The following TMC1 variants were observed in gnomAD, a reference collection of about 807,000 sequenced individuals.
The protein encoded by TMC1 is transmembrane channel like 1.
In TMC1, 84 loss-of-function variants were observed where a neutral mutation model predicts 105.8. The observed-to-expected ratio is 0.79, with a 90% CI of 0.67 to 0.95. The LOEUF is 0.95. TMC1 is among the 40% of genes least tolerant of loss of function. The pLI, the probability that TMC1 is intolerant of heterozygous loss-of-function variation, is 0.00. For synonymous variants in TMC1, 315 were observed against 311.5 expected, an observed-to-expected ratio of 1.01 and a Z score of -0.12; for missense variants, 817 against 914.1, an observed-to-expected ratio of 0.89 and a Z score of 1.37.
chr9:72,635,935 G>A (rs917785101), intron 4 of TMC1, among the ~76,000 whole-genome samples: 8 of 152,138 alleles, frequency 5.3e-5, no homozygotes, highest in African/African-American at 1.9e-4. Flanking sequence ...GAACTTAAGA[G>A]CTCCACTAAA....
At chr9:72,805,272 A>G (rs1239685430) in intron 17 of TMC1, 110 bp from the exon 18 acceptor site, 11 of 1,113,768 alleles carry the variant, frequency 9.9e-6, no homozygotes, top group African/African-American at 1.5e-5. Context: ...TTTGCCATTA[A>G]TTGCAGTCTT....
chr9:72,642,278 A>C (rs1472831577), intron 4 of TMC1, among the ~76,000 whole-genome samples: 1 of 152,192 alleles, frequency 6.6e-6, no homozygotes, highest in Non-Finnish European at 1.5e-5. Context: ...TCTGTGTCCT[A>C]ACTACATATT....
rs192213806 is a variant in TMC1, at chr9:72,789,052, G to A, written c.1030-71G>A. 6.7e-4 allele frequency: 993 copies of A among 1,473,532 alleles called. 4 individuals are homozygous for A. Among genetic ancestry groups the A allele is most frequent in the Non-Finnish European group, 7.3e-5 (77 of 1,057,798 alleles). The allele number at this position is 1,473,532 out of a possible 1,614,324, so 91.3% of individuals were successfully genotyped here. A position where few individuals can be genotyped will look rare whatever the true frequency, so the allele number is the denominator to read the frequency against. ...TTGTAAAAATAACTTTTGAGGTTTT[G>A]ATACTTTTAAAATGTAGCTAAGATA... is the stretch of plus-strand genomic sequence containing the variant. On this transcript the variant is annotated intron_variant, in intron 14 of 23. Coordinates refer to ENST00000297784, the MANE Select transcript of TMC1 (RefSeq NM_138691.3).
At chr9:72,624,189 A>G (rs746675384) in intron 3 of TMC1, among the ~76,000 whole-genome samples, 1 of 152,118 alleles carries the variant, frequency 6.6e-6, no homozygotes, top group Admixed American at 6.5e-5. Flanking sequence ...TGGGAGCTCA[A>G]ATATGACCAT....
At chr9:72,633,604 C>T (rs1221254077) in intron 4 of TMC1, among the ~76,000 whole-genome samples, 2 of 152,284 alleles carry the variant, frequency 1.3e-5, no homozygotes, top group African/African-American at 4.8e-5. Context: ...TGTTCCCACT[C>T]AGTTCGTTTG....
At chr9:72,563,804 G>A (rs997252161) in intron 1 of TMC1, among the ~76,000 whole-genome samples, 1 of 148,010 alleles carries the variant, frequency 6.8e-6, no homozygotes, top group Admixed American at 7.0e-5. Context: ...GGAGGCTGAG[G>A]CAGGAGAATC....
intron 1 of TMC1, among the ~76,000 whole-genome samples, chr9:72,552,367 C>A (rs1211690579): frequency 6.6e-6 from 1 of 152,142 alleles, no homozygotes; most frequent in African/African-American, 2.4e-5. Flanking sequence ...GAATCCCCCC[C>A]AGAAGAGACT....
intron 10 of TMC1, among the ~76,000 whole-genome samples, chr9:72,742,741 C>A (rs1268832324): frequency 6.6e-6 from 1 of 152,196 alleles, no homozygotes; most frequent in Admixed American, 6.5e-5. Flanking sequence ...GGACCCCACT[C>A]TCGTGTTCTA....
intron 8 of TMC1, among the ~76,000 whole-genome samples, chr9:72,738,583 G>A (rs773926758): frequency 5.3e-5 from 8 of 151,902 alleles, no homozygotes; most frequent in Non-Finnish European, 1.0e-4. Flanking sequence ...ACGCCTGGTC[G>A]ATTTTTGTAT....
chr9:72,741,307 A>G, intron 9 of TMC1: 1 of 325,744 alleles, frequency 3.1e-6, no homozygotes, highest in Non-Finnish European at 5.7e-6. Context: ...ACCTTATAGT[A>G]TTTCAGGACA....
chr9:72,581,367 T>A (rs1197527608), intron 2 of TMC1, among the ~76,000 whole-genome samples: 1 of 152,260 alleles, frequency 6.6e-6, no homozygotes, highest in Non-Finnish European at 1.5e-5. Context: ...AGGTTGTATC[T>A]CTGGCCATCT....
intron 10 of TMC1, among the ~76,000 whole-genome samples, chr9:72,742,770 C>G (rs1827412386): frequency 6.6e-6 from 1 of 152,172 alleles, no homozygotes; most frequent in African/African-American, 2.4e-5. Flanking sequence ...CAAAACATTA[C>G]CATTCTAACC....
intron 1 of TMC1, among the ~76,000 whole-genome samples, chr9:72,526,699 A>G (rs188259376): frequency 2.7e-4 from 41 of 152,370 alleles, no homozygotes; most frequent in Admixed American, 2.2e-3. Context: ...AGTTAGGCCA[A>G]TAGATATCCT....
intron 2 of TMC1, among the ~76,000 whole-genome samples, chr9:72,588,900 C>T (rs891656810): frequency 6.6e-6 from 1 of 151,914 alleles, no homozygotes; most frequent in Non-Finnish European, 1.5e-5. Flanking sequence ...CTCAGCCTCC[C>T]GAGTAGCTGG....
chr9:72,632,460 G>A (rs1433521486), intron 4 of TMC1, among the ~76,000 whole-genome samples: 1 of 152,132 alleles, frequency 6.6e-6, no homozygotes, highest in Admixed American at 6.6e-5. Flanking sequence ...ACACACATGG[G>A]AAACAAACTT....
chr9:72,809,257 A>C (rs1588094468), intron 18 of TMC1, among the ~76,000 whole-genome samples: 1 of 152,358 alleles, frequency 6.6e-6, no homozygotes, highest in East Asian at 1.9e-4. Flanking sequence ...GATGCATAAA[A>C]GCTGTAATTA....
chr9:72,752,141 G>A (rs1827590109), intron 11 of TMC1, among the ~76,000 whole-genome samples, 185 bp downstream of exon 11: 1 of 152,066 alleles, frequency 6.6e-6, no homozygotes, highest in Non-Finnish European at 1.5e-5. Context: ...TGCACTAAAG[G>A]GGGTGTAAGC....
chr9:72,570,221 T>C (rs1194822677), intron 1 of TMC1, among the ~76,000 whole-genome samples: 1 of 135,810 alleles, frequency 7.4e-6, no homozygotes, highest in African/African-American at 2.9e-5. Context: ...GGGGTGGGGC[T>C]CAAAGAGTAG....
intron 3 of TMC1, among the ~76,000 whole-genome samples, chr9:72,621,521 C>T (rs1291682649): frequency 6.6e-6 from 1 of 152,116 alleles, no homozygotes; most frequent in African/African-American, 2.4e-5. Context: ...TGAATATTCT[C>T]ATGTAAGATT....
Sources: gnomAD v4.1 joint callset for allele counts (sites outside exome capture counted in the v4.1 genomes callset) on GRCh38, gnomAD v4.1.1 for gene constraint, MANE v1.5 for transcripts, NCBI Gene and HGNC (gene_info 2026-07-23, HGNC 2026-07-21) for gene names.